Variants in SLC24A3 observed in about 807,000 individuals in gnomAD.
SLC24A3 encodes the protein sodium/potassium/calcium exchanger 3.
A neutral mutation model predicts 75.8 loss-of-function variants in SLC24A3; 28 were observed. That is an observed-to-expected ratio of 0.37 (90% CI 0.27 to 0.51). SLC24A3 has a LOEUF of 0.51. Among genes scored for constraint, SLC24A3 ranks in the 20% least tolerant of loss-of-function variants. SLC24A3 has a pLI of 0.94. For missense variants in SLC24A3, 663 were observed against 847.8 expected (o/e 0.78, Z 2.71); for synonymous variants, 372 against 334.1 (o/e 1.11, Z -1.24).
chr20:19,291,767 G>A (rs1983947000), intron 2 of SLC24A3, among the ~76,000 whole-genome samples: 1 of 152,226 alleles, frequency 6.6e-6, no homozygotes, highest in African/African-American at 2.4e-5. Flanking sequence ...TGGGCCTGCA[G>A]GAGACCTCAG....
At chr20:19,527,005 C>T (rs150333539) in intron 3 of SLC24A3, among the ~76,000 whole-genome samples, 2 of 152,006 alleles carry the variant, frequency 1.3e-5, no homozygotes, top group East Asian at 3.9e-4. Flanking sequence ...TCTCATAAAC[C>T]CCATGTATCA....
At chr20:19,673,015 T>C (rs745959803) in intron 8 of SLC24A3, among the ~76,000 whole-genome samples, 4 of 152,218 alleles carry the variant, frequency 2.6e-5, no homozygotes, top group Non-Finnish European at 5.9e-5. Flanking sequence ...AACAGAAGTA[T>C]TCAGACTATT....
At chr20:19,410,406 A>G (rs1034084270) in intron 2 of SLC24A3, among the ~76,000 whole-genome samples, 8 of 152,206 alleles carry the variant, frequency 5.3e-5, no homozygotes, top group Non-Finnish European at 8.8e-5. Flanking sequence ...GGACACATTT[A>G]GAGGAGAAAC....
intron 6 of SLC24A3, among the ~76,000 whole-genome samples, chr20:19,634,107 A>C (rs6081690): frequency 0.08 from 12,227 of 152,258 alleles, 576 homozygotes; most frequent in Middle Eastern, 0.13. Flanking sequence ...ATTCCTAAAT[A>C]CTGAGACATC....
rs548440068 is a variant in SLC24A3 at position 19,576,313 on chromosome 20, T to C, written c.349-3687T>C. Among the ~76,000 whole-genome samples the C allele has an allele frequency of 8.9e-3, 1,360 of 152,350 alleles. 28 individuals are homozygous for C. The highest frequency in any genetic ancestry group is 7.4e-3 in the Non-Finnish European group (501 of 68,030). ...TGTGCTAGTTGTATTAATAGTACCA[T>C]CAATGTCACACTCCCAGTAGGTTTT... is the stretch of plus-strand genomic sequence containing the variant. On this transcript the variant is annotated intron_variant, in intron 3 of 16. Coordinates refer to ENST00000328041, the MANE Select transcript of SLC24A3 (RefSeq NM_020689.4).
chr20:19,274,508 C>T (rs924276246), intron 1 of SLC24A3, among the ~76,000 whole-genome samples: 1 of 152,108 alleles, frequency 6.6e-6, no homozygotes, highest in African/African-American at 2.4e-5. Context: ...CTCCAGCATC[C>T]TCCTCTCCTT....
In SLC24A3 at chr20:19,585,069, T is replaced by C. The variant is rs2031276503; in HGVS notation, c.508+14T>C. On this transcript the variant is annotated intron_variant, in intron 5 of 16. Transcript: ENST00000328041. ...CATCGGTCATAGGTAGGTGACAGAC[T>C]GAGGGACATCTCAGACCTTCACTGT... 6.2e-7 allele frequency: 1 copy of C among 1,605,124 alleles called. No homozygotes were observed. The highest frequency in any genetic ancestry group is 8.5e-7 in the Non-Finnish European group (1 of 1,172,546).
At chr20:19,558,246 A>AT (rs1352051315) in intron 3 of SLC24A3, among the ~76,000 whole-genome samples, 13 of 151,822 alleles carry the variant, frequency 8.6e-5, no homozygotes, top group Admixed American at 8.5e-4. Flanking sequence ...TTTATTTTTT[A>AT]TTTTTTTATT....
At chr20:19,349,516 A>G (rs779517751) in intron 2 of SLC24A3, among the ~76,000 whole-genome samples, 8 of 152,270 alleles carry the variant, frequency 5.3e-5, no homozygotes, top group Non-Finnish European at 1.0e-4. Flanking sequence ...AGCAGACCAG[A>G]AGTTCCAGGA....
chr20:19,442,910 T>C (rs1435599160), intron 2 of SLC24A3, among the ~76,000 whole-genome samples: 1 of 152,216 alleles, frequency 6.6e-6, no homozygotes, highest in African/African-American at 2.4e-5. Flanking sequence ...TTCTTTTGCA[T>C]ATGGATCTAA....
At chr20:19,682,123 C>T (rs750389162) in intron 10 of SLC24A3, 132 bp downstream of exon 10, 1 of 1,037,406 alleles carries the variant, frequency 9.6e-7, no homozygotes, top group Non-Finnish European at 1.4e-6. Context: ...GGAGTGGTGG[C>T]CCAAGCCTGT....
At chr20:19,692,328 A>G (rs2032753693) in intron 12 of SLC24A3, among the ~76,000 whole-genome samples, 1 of 152,186 alleles carries the variant, frequency 6.6e-6, no homozygotes, top group South Asian at 2.1e-4. Flanking sequence ...CTTGTACAAC[A>G]ATGTTCATAG....
At chr20:19,545,374 C>G (rs2030571561) in intron 3 of SLC24A3, among the ~76,000 whole-genome samples, 1 of 152,174 alleles carries the variant, frequency 6.6e-6, no homozygotes, top group Non-Finnish European at 1.5e-5. Flanking sequence ...CAGAGGTGCT[C>G]CCCCTGGAGT....
chr20:19,519,741 T>C (rs1435298826), intron 3 of SLC24A3, among the ~76,000 whole-genome samples: 1 of 152,248 alleles, frequency 6.6e-6, no homozygotes, highest in Non-Finnish European at 1.5e-5. Context: ...AGGCTATGAA[T>C]GATTTTCTAG....
At chr20:19,661,408 C>T (rs1300792521) in intron 7 of SLC24A3, among the ~76,000 whole-genome samples, 2 of 152,082 alleles carry the variant, frequency 1.3e-5, no homozygotes, top group Non-Finnish European at 2.9e-5. Flanking sequence ...CACTGGATCC[C>T]TCTCCTCAGA....
At chr20:19,506,995 G>A (rs886897474) in intron 2 of SLC24A3, among the ~76,000 whole-genome samples, 1 of 152,328 alleles carries the variant, frequency 6.6e-6, no homozygotes, top group Admixed American at 6.5e-5. Context: ...ATGCCTGCCT[G>A]AGGTTTACTT....
intron 2 of SLC24A3, among the ~76,000 whole-genome samples, chr20:19,445,145 C>G (rs947566203): frequency 6.6e-6 from 1 of 152,160 alleles, no homozygotes; most frequent in Admixed American, 6.5e-5. Flanking sequence ...TCCAGTACAG[C>G]GTTACACATA....
intron 3 of SLC24A3, among the ~76,000 whole-genome samples, chr20:19,524,956 G>A (rs999594675): frequency 6.6e-6 from 1 of 152,158 alleles, no homozygotes; most frequent in Non-Finnish European, 1.5e-5. Context: ...ATTTATCAGG[G>A]CACACTCCAT....
chr20:19,591,811 T>C (rs997511044), intron 6 of SLC24A3, among the ~76,000 whole-genome samples: 12 of 152,190 alleles, frequency 7.9e-5, no homozygotes, highest in African/African-American at 2.9e-4. Flanking sequence ...CAGTTTATTA[T>C]AAAAAGCAGA....
Sources: allele counts gnomAD v4.1 joint callset (sites outside exome capture counted in the v4.1 genomes callset), GRCh38; gene constraint gnomAD v4.1.1; transcripts MANE v1.5; gene names NCBI Gene and HGNC (gene_info 2026-07-23, HGNC 2026-07-21).